Variants in XPNPEP2 observed in about 807,000 individuals in gnomAD.
The protein encoded by XPNPEP2 is xaa-Pro aminopeptidase 2.
Under a neutral mutation model 59.8 loss-of-function variants are expected in XPNPEP2, and 64 were observed. The observed-to-expected ratio is 1.07, with a 90% CI of 0.87 to 1.32. XPNPEP2 has a LOEUF of 1.32. Ranked by LOEUF, XPNPEP2 falls within the 40% of genes most tolerant of loss-of-function variation. XPNPEP2 has a pLI of 0.00. For missense variants in XPNPEP2, 575 were observed against 546.8 expected, an observed-to-expected ratio of 1.05 and a Z score of -0.51; for synonymous variants, 235 against 210.0, an observed-to-expected ratio of 1.12 and a Z score of -1.03.
intron 13 of XPNPEP2, among the ~76,000 whole-genome samples, chrX:129,756,082 G>A (rs1024625805): frequency 2.7e-5 from 3 of 112,437 alleles, no homozygotes; most frequent in African/African-American, 9.7e-5. Context: ...AGAGACAAAG[G>A]GCCGGAGGGA....
intron 7 of XPNPEP2, among the ~76,000 whole-genome samples, chrX:129,748,092 T>C (rs1926333696): frequency 8.9e-6 from 1 of 112,192 alleles, no homozygotes; most frequent in Non-Finnish European, 1.9e-5. Context: ...AAAATCATGA[T>C]ATGATTTGCT....
At chrX:129,757,362 C>T (rs554794029) in intron 14 of XPNPEP2, among the ~76,000 whole-genome samples, 37 of 110,731 alleles carry the variant, frequency 3.3e-4, no homozygotes, top group African/African-American at 1.2e-3. Context: ...GACACCCCCG[C>T]ACCACCAACG....
At position 129,746,993 on chromosome X, in the gene XPNPEP2, C is replaced by T. The variant is rs749363448; in HGVS notation, c.490+312C>T. On this transcript the variant is annotated intron_variant, in intron 6 of 20. Coordinates refer to ENST00000371106, the MANE Select transcript of XPNPEP2 (RefSeq NM_003399.6). ...GGATGTGCTTGAACCCAGAACCATCCTCTGTGCCCTGGAACCCTGCCAATG... is the reference window on the plus strand; with the variant it reads ...GGATGTGCTTGAACCCAGAACCATCTTCTGTGCCCTGGAACCCTGCCAATG... 21 of 295,125 alleles carry T rather than the reference C, an allele frequency of 7.1e-5. No individual in the cohort carries two copies. The South Asian group carries it at 1.0e-3, about 15-fold the overall frequency. 24.3% of individuals were successfully genotyped at this position (295,125 alleles called of 1,213,427 possible). A position where few individuals can be genotyped will look rare whatever the true frequency, so the allele number is the denominator to read the frequency against.
Position 129,760,569 on chromosome X carries a change from G to A in XPNPEP2, c.1486G>A (p.Ala496Thr), listed in dbSNP as rs758120793. ...TGACCTGTCCAGGCTCATCTTTCCC[G>A]CTGCTACATCAGGTGGGTTTCAGAA... ...NIDLSRLIFP[A>T]ATSGRMVEAF... Residue 496 changes from alanine (A) to threonine (T), a missense_variant, in exon 16 of 21, where the codon GCT becomes ACT. Ala to Thr is a moderately conservative substitution (Grantham distance 58). Transcript: ENST00000371106. 1.2e-5 allele frequency: 15 copies of A among 1,210,657 alleles called. No individual in the cohort carries two copies. The highest frequency in any genetic ancestry group is 3.0e-5 in the East Asian group (1 of 33,801).
At position 129,769,050 on chromosome X, in the gene XPNPEP2, C is replaced by T. The variant is rs1926807150; in HGVS notation, c.*565C>T. ...AGGGAGTTAAGCCATAGGAATTTGGCTGTGGAGTAAGAGGGAATGCGGTGA... is the reference window on the plus strand; with the variant it reads ...AGGGAGTTAAGCCATAGGAATTTGGTTGTGGAGTAAGAGGGAATGCGGTGA... On this transcript the variant is annotated 3_prime_UTR_variant, in exon 21 of 21. Transcript: ENST00000371106. The T allele has an allele frequency of 8.9e-6, 1 of 112,383 alleles. No homozygotes were observed. Among genetic ancestry groups the T allele is most frequent in the South Asian group, 3.7e-4 (1 of 2,734 alleles). The allele number at this position is 112,383 out of a possible 1,213,427, so 9.3% of individuals were successfully genotyped here. A position where few individuals can be genotyped will look rare whatever the true frequency, so the allele number is the denominator to read the frequency against.
In XPNPEP2 at chrX:129,768,678, A is replaced by T. The variant is rs1926799257; in HGVS notation, c.*193A>T. 2.8e-6 allele frequency: 1 copy of T among 358,051 alleles called. No individual in the cohort carries two copies. The highest frequency in any genetic ancestry group is 2.7e-5 in the African/African-American group (1 of 37,629). The allele number at this position is 358,051 out of a possible 1,213,427, so 29.5% of individuals were successfully genotyped here. A position where few individuals can be genotyped will look rare whatever the true frequency, so the allele number is the denominator to read the frequency against. On this transcript the variant is annotated 3_prime_UTR_variant, in exon 21 of 21. Coordinates refer to ENST00000371106, the MANE Select transcript of XPNPEP2 (RefSeq NM_003399.6). ...GGAACACAGGGCTTCTTGGCCCCAG[A>T]TGGCACCTCCCTGCACCCCGGGGTT...
intron 6 of XPNPEP2, chrX:129,746,900 T>C (rs756343289): frequency 4.7e-6 from 2 of 423,582 alleles, no homozygotes; most frequent in Admixed American, 8.4e-5. Flanking sequence ...ATTTTAAAAT[T>C]CATGAGTGCA....
At chrX:129,764,655 C>CA (rs36050746) in intron 19 of XPNPEP2, among the ~76,000 whole-genome samples, 2,213 of 80,091 alleles carry the variant, frequency 0.028, 42 homozygotes, top group South Asian at 0.048. Flanking sequence ...AACTCTGTCT[C>CA]AAAAAAAAAA....
rs868868168 is a variant in XPNPEP2, at chrX:129,761,309, C to T, written c.1603+33C>T. ...TCTCCTCAGCACTCCCCAGGCCACC[C>T]CCCTTTTATTATACCCTCTATGAAG... On this transcript the variant is annotated intron_variant, in intron 17 of 20. Coordinates refer to ENST00000371106, the MANE Select transcript of XPNPEP2 (RefSeq NM_003399.6). 7 of 1,113,446 alleles carry T rather than the reference C, an allele frequency of 6.3e-6. No homozygotes were observed. The Middle Eastern group carries it at 1.2e-3, about 193-fold the overall frequency. 91.8% of individuals were successfully genotyped at this position (1,113,446 alleles called of 1,213,427 possible). A position where few individuals can be genotyped will look rare whatever the true frequency, so the allele number is the denominator to read the frequency against.
chrX:129,744,100 C>T, intron 3 of XPNPEP2, 29 bp downstream of exon 3: 2 of 1,155,033 alleles, frequency 1.7e-6, no homozygotes, highest in Non-Finnish European at 2.4e-6. Context: ...CCCCCTTGCC[C>T]TCTCTGCTAC....
intron 14 of XPNPEP2, among the ~76,000 whole-genome samples, chrX:129,757,874 AG>A (rs1926569540): frequency 1.7e-5 from 1 of 59,939 alleles, no homozygotes; most frequent in African/African-American, 8.8e-5. Context: ...AGAGAGAGAA[AG>A]AGAGAGAGAG....
Position 129,742,180 on chromosome X carries a change from CT to C in XPNPEP2, c.123del (p.Tyr42ThrfsTer37), listed in dbSNP as rs1926200146. The C allele has an allele frequency of 1.7e-6, 2 of 1,177,870 alleles. No individual in the cohort carries two copies. The highest frequency in any genetic ancestry group is 2.2e-5 in the Admixed American group (1 of 44,619). On this transcript the variant is annotated frameshift_variant and splice_region_variant, in exon 2 of 21. Transcript: ENST00000371106. LOFTEE classifies it high-confidence loss of function. The part of the protein sequence containing the change: ...QDVRNCSTNP[P>X]YLPVTVVNTT... ...GTGAGAAACTGTTCCACCAACCCCC[CT>C]GTGAGTGCCCCCTGCCCCCCGCGCA...
chrX:129,753,495 T>C (rs1926460085), intron 11 of XPNPEP2, among the ~76,000 whole-genome samples: 1 of 110,507 alleles, frequency 9.0e-6, no homozygotes, highest in African/African-American at 3.3e-5. Context: ...ATACAAAAAT[T>C]AGCCAGGCGT....
At chrX:129,745,388 C>T (rs1926275438) in intron 4 of XPNPEP2, 122 bp downstream of exon 4, 1 of 792,180 alleles carries the variant, frequency 1.3e-6, no homozygotes. Flanking sequence ...GAAAACCCTT[C>T]TACTCTCTCT....
chrX:129,751,441 G>A (rs775087850), intron 8 of XPNPEP2, among the ~76,000 whole-genome samples: 1 of 108,526 alleles, frequency 9.2e-6, no homozygotes, highest in African/African-American at 3.4e-5. Flanking sequence ...CTGCGAGGTG[G>A]AGATTGCAGT....
chrX:129,767,059 C>T (rs1347481872), intron 19 of XPNPEP2, among the ~76,000 whole-genome samples: 1 of 110,239 alleles, frequency 9.1e-6, no homozygotes, highest in African/African-American at 3.3e-5. Context: ...ACAAAAAATA[C>T]AAAAAGTATC....
intron 7 of XPNPEP2, 148 bp downstream of exon 7, chrX:129,747,901 T>A: frequency 2.4e-6 from 2 of 842,085 alleles, no homozygotes; most frequent in Non-Finnish European, 3.5e-6. Context: ...GATGCTTGTT[T>A]AAAATGCAGA....
In XPNPEP2 at chrX:129,767,661, T is replaced by C. The variant is rs1926776630; in HGVS notation, c.1799T>C (p.Leu600Pro). ...VVSFVPYDRN[L>P]IDVSLLSPEH... ...TCATTTGTGCCCTATGACCGGAACC[T>C]CATCGATGTCAGCCTGCTGTCTCCC... The change falls in exon 20 of 21, where the codon CTC (leucine) becomes CCC (proline). Residue 600 changes from leucine to proline, a missense_variant. By Grantham distance (98) the Leu-to-Pro change is moderately conservative (BLOSUM62 -3). Transcript: ENST00000371106. 1 of 1,209,509 alleles carries C rather than the reference T, an allele frequency of 8.3e-7. No individual in the cohort carries two copies. The highest frequency in any genetic ancestry group is 1.8e-5 in the African/African-American group (1 of 57,000).
At chrX:129,768,182 T>C in intron 20 of XPNPEP2, 109 bp from the exon 21 acceptor site, 1 of 781,317 alleles carries the variant, frequency 1.3e-6, no homozygotes, top group Non-Finnish European at 1.8e-6. Context: ...TGTGGCCATC[T>C]GGACTATGGT....
Sources: allele counts gnomAD v4.1 joint callset (sites outside exome capture counted in the v4.1 genomes callset), GRCh38; gene constraint gnomAD v4.1.1; transcripts MANE v1.5; gene names NCBI Gene and HGNC (gene_info 2026-07-23, HGNC 2026-07-21).